The following FRMD4A variants were observed in gnomAD, a reference collection of about 807,000 sequenced individuals.
The protein encoded by FRMD4A is FERM domain-containing protein 4A.
Under a neutral mutation model 129.1 loss-of-function variants are expected in FRMD4A, and 29 were observed. The observed-to-expected ratio is 0.22, with a 90% confidence interval of 0.17 to 0.31. The LOEUF is 0.31. Ranked by LOEUF, FRMD4A falls within the 10% of genes least tolerant of loss-of-function variation. The pLI is 1.00. For synonymous variants in FRMD4A, 634 were observed against 571.6 expected (o/e 1.11, Z -1.56); for missense variants, 1,272 against 1,375.8 (o/e 0.92, Z 1.19).
chr10:13,877,867 A>G (rs533134855), intron 2 of FRMD4A, among the ~76,000 whole-genome samples: 15 of 152,274 alleles, frequency 9.9e-5, no homozygotes, highest in African/African-American at 3.6e-4. Context: ...AGGAGCTCCC[A>G]GGAGGGGATA....
intron 2 of FRMD4A, among the ~76,000 whole-genome samples, chr10:13,965,718 A>G (rs1332153576): frequency 6.6e-6 from 1 of 152,250 alleles, no homozygotes; most frequent in Non-Finnish European, 1.5e-5. Context: ...TGAATTGGAA[A>G]TAAACCTTTC....
chr10:14,177,230 C>T (rs1841761907), intron 2 of FRMD4A, among the ~76,000 whole-genome samples: 1 of 152,030 alleles, frequency 6.6e-6, no homozygotes, highest in Non-Finnish European at 1.5e-5. Context: ...CAAAGTATCG[C>T]TCTGTTGCCC....
At chr10:14,309,018 G>A (rs913541777) in intron 2 of FRMD4A, among the ~76,000 whole-genome samples, 11 of 152,226 alleles carry the variant, frequency 7.2e-5, no homozygotes, top group Admixed American at 1.3e-4. Flanking sequence ...CTTTCCTTCC[G>A]TCTCCGTTTT....
At chr10:13,710,567 T>C (rs1317807922) in intron 12 of FRMD4A, 1 of 152,274 alleles carries the variant, frequency 6.6e-6, no homozygotes, top group Non-Finnish European at 1.5e-5. Flanking sequence ...TAGACATTTT[T>C]GTGGCAGGGT....
At chr10:13,797,955 C>T (rs1217193976) in intron 4 of FRMD4A, among the ~76,000 whole-genome samples, 1 of 151,914 alleles carries the variant, frequency 6.6e-6, no homozygotes, top group South Asian at 2.1e-4. Context: ...AAAGCCCATA[C>T]CTGTGGCTAT....
At chr10:13,707,462 G>GA (rs2087577657) in intron 12 of FRMD4A, 1 of 1,030,314 alleles carries the variant, frequency 9.7e-7, no homozygotes, top group Non-Finnish European at 1.2e-6. Context: ...GAGAGGTGGA[G>GA]ACCGGGGAGA....
At chr10:14,177,859 A>G (rs370329579) in intron 2 of FRMD4A, among the ~76,000 whole-genome samples, 1 of 152,186 alleles carries the variant, frequency 6.6e-6, no homozygotes, top group Admixed American at 6.5e-5. Flanking sequence ...GGGGTTGTTC[A>G]CCATATTTTT....
At chr10:13,665,031 C>T (rs4989499) in intron 18 of FRMD4A, among the ~76,000 whole-genome samples, 121,091 of 152,120 alleles carry the variant, frequency 0.8, 48,537 homozygotes, top group East Asian at 0.87. Flanking sequence ...TACAGGCATG[C>T]GCCACCACGC....
intron 11 of FRMD4A, among the ~76,000 whole-genome samples, chr10:13,738,864 A>C (rs1030982024): frequency 1.3e-5 from 2 of 152,008 alleles, no homozygotes; most frequent in African/African-American, 2.4e-5. Context: ...CAGCTGATCC[A>C]CCCGTCTTGG....
intron 2 of FRMD4A, among the ~76,000 whole-genome samples, chr10:14,171,124 A>G (rs926703427): frequency 6.6e-6 from 1 of 152,154 alleles, no homozygotes; most frequent in Non-Finnish European, 1.5e-5. Context: ...TCTAACTAAA[A>G]GGACACATTA....
chr10:13,684,990 A>G, intron 15 of FRMD4A: 1 of 982,762 alleles, frequency 1.0e-6, no homozygotes. Flanking sequence ...ATTCTTCTTT[A>G]TGATAAAAAG....
rs1274235292 is a variant in FRMD4A at position 13,907,498 on chromosome 10, C to T, written c.46-48586G>A. 2.6e-5 allele frequency among the ~76,000 whole-genome samples: 4 copies of T among 152,010 alleles called. No homozygotes were observed. In the East Asian group the frequency reaches 5.8e-4, roughly 22 times the overall value. On this transcript the variant is annotated intron_variant, in intron 2 of 24. Transcript: ENST00000357447. ...AACCCACGGCGGGTCCCAGATCAGA[C>T]AAAATGAAATGCCACAACCGCCGAT...
intron 2 of FRMD4A, among the ~76,000 whole-genome samples, chr10:14,253,958 A>G (rs1844524251): frequency 6.6e-6 from 1 of 152,126 alleles, no homozygotes. Flanking sequence ...CGACACCTCC[A>G]GCTTGCAGTT....
intron 2 of FRMD4A, among the ~76,000 whole-genome samples, chr10:14,099,239 G>C (rs909267692): frequency 5.3e-5 from 8 of 152,102 alleles, no homozygotes; most frequent in Admixed American, 6.5e-5. Flanking sequence ...TTTACTCCTA[G>C]TCCTGATATA....
Position 14,127,260 on chromosome 10 carries a change from C to T in FRMD4A, c.45+202798G>A, listed in dbSNP as rs1838896087. On this transcript the variant is annotated intron_variant, in intron 2 of 24. Transcript: ENST00000357447. ...AGGGTGGCCTGGAGAGGTTGGAAAA[C>T]ACCCAGGTCCTTGGAGCTCTTGCTG... 1.3e-5 allele frequency among the ~76,000 whole-genome samples: 2 copies of T among 152,162 alleles called. 1 individual carries two copies. The highest frequency in any genetic ancestry group is 4.1e-4 in the South Asian group (2 of 4,826).
At chr10:14,248,384 G>A in intron 2 of FRMD4A, among the ~76,000 whole-genome samples, 1 of 152,220 alleles carries the variant, frequency 6.6e-6, no homozygotes, top group East Asian at 1.9e-4. Context: ...ATACATTAAT[G>A]TAGAAATAGT....
At chr10:14,014,308 A>G (rs1349924771) in intron 2 of FRMD4A, among the ~76,000 whole-genome samples, 1 of 152,240 alleles carries the variant, frequency 6.6e-6, no homozygotes, top group Non-Finnish European at 1.5e-5. Context: ...CTCGATTATT[A>G]CACATTCTAT....
At chr10:13,710,788 A>C in intron 12 of FRMD4A, 1 of 152,426 alleles carries the variant, frequency 6.6e-6, no homozygotes, top group African/African-American at 2.4e-5. Flanking sequence ...TGAGGTGGGC[A>C]GATCACTTGA....
At chr10:13,947,786 G>A (rs1481708682) in intron 2 of FRMD4A, among the ~76,000 whole-genome samples, 1 of 152,150 alleles carries the variant, frequency 6.6e-6, no homozygotes, top group African/African-American at 2.4e-5. Context: ...TTTCCCAAAT[G>A]CCTCATTGGA....
Sources: gnomAD v4.1 joint callset for allele counts (sites outside exome capture counted in the v4.1 genomes callset) on GRCh38, gnomAD v4.1.1 for gene constraint, MANE v1.5 for transcripts, NCBI Gene and HGNC (gene_info 2026-07-23, HGNC 2026-07-21) for gene names.